Variants in DLG2 observed in about 807,000 individuals in gnomAD.
The protein encoded by DLG2 is disks large homolog 2.
Under a neutral mutation model 132.5 loss-of-function variants are expected in DLG2, and 45 were observed. The observed-to-expected ratio is 0.34, with a 90% CI of 0.27 to 0.44. The LOEUF is 0.44. DLG2 is among the 20% of genes least tolerant of loss of function. The pLI is 1.00. For missense variants in DLG2, 1,045 were observed against 1,196.9 expected, an observed-to-expected ratio of 0.87 and a Z score of 1.87; for synonymous variants, 424 against 419.6, an observed-to-expected ratio of 1.01 and a Z score of -0.13.
chr11:85,549,416 T>C (rs1369086108), intron 3 of DLG2, among the ~76,000 whole-genome samples: 1 of 152,228 alleles, frequency 6.6e-6, no homozygotes, highest in Non-Finnish European at 1.5e-5. Flanking sequence ...ACCGGAGCTG[T>C]TCCTATTCGG....
chr11:84,040,222 T>G (rs1201067779), intron 11 of DLG2, among the ~76,000 whole-genome samples: 1 of 151,572 alleles, frequency 6.6e-6, no homozygotes, highest in African/African-American at 2.4e-5. Flanking sequence ...CTCTTTAGTT[T>G]AATTAGATTC....
chr11:83,696,600 T>A (rs1001694485), intron 18 of DLG2, among the ~76,000 whole-genome samples: 2 of 152,168 alleles, frequency 1.3e-5, no homozygotes, highest in Non-Finnish European at 2.9e-5. Flanking sequence ...GATGATACAT[T>A]AAGTACAAAA....
At chr11:85,119,256 T>G (rs891085655) in intron 5 of DLG2, among the ~76,000 whole-genome samples, 6 of 151,992 alleles carry the variant, frequency 3.9e-5, no homozygotes, top group African/African-American at 1.4e-4. Flanking sequence ...GATTCTGCAG[T>G]CTGGGATTAT....
intron 6 of DLG2, among the ~76,000 whole-genome samples, chr11:84,945,524 C>T (rs2050086462): frequency 1.3e-5 from 2 of 152,216 alleles, no homozygotes; most frequent in South Asian, 4.1e-4. Context: ...GCCAGCATGG[C>T]ACTGGGTCTC....
intron 8 of DLG2, among the ~76,000 whole-genome samples, chr11:84,234,444 G>T (rs1166391489): frequency 6.6e-6 from 1 of 152,202 alleles, no homozygotes; most frequent in Admixed American, 6.5e-5. Context: ...GCTAACGAAA[G>T]TGCGTTGGTT....
intron 9 of DLG2, among the ~76,000 whole-genome samples, chr11:84,130,250 C>T (rs75141505): frequency 0.015 from 2,350 of 151,864 alleles, 24 homozygotes; most frequent in Middle Eastern, 0.048. Context: ...CAACCTATGA[C>T]GTTCTTAAAA....
At chr11:84,214,198 T>TATATATACATATATATATGAATAC (rs2096797820) in intron 8 of DLG2, among the ~76,000 whole-genome samples, 1 of 146,018 alleles carries the variant, frequency 6.8e-6, no homozygotes, top group Non-Finnish European at 1.5e-5. Context: ...GGTCTTCATA[T>TATATATACATATATATATGAATAC]ATATATACAT....
intron 6 of DLG2, chr11:84,887,324 C>T (rs1566272249): frequency 1.3e-5 from 2 of 150,958 alleles, no homozygotes; most frequent in Non-Finnish European, 2.9e-5. Flanking sequence ...ACTCTTAATT[C>T]AAACCTACCA....
chr11:83,553,889 CT>C lies in DLG2; in HGVS notation c.1941-12032del, dbSNP rs57434000. ...TTTTATTCCAATAGCACAATCTTTTCTTTTTTTTTCTTTTTTTTTTTTTTGT... is the reference window on the plus strand; with the variant it reads ...TTTTATTCCAATAGCACAATCTTTTCTTTTTTTTCTTTTTTTTTTTTTTGT... On this transcript the variant is annotated intron_variant, in intron 19 of 27. Coordinates refer to ENST00000376104, the MANE Select transcript of DLG2 (RefSeq NM_001142699.3). Among the ~76,000 whole-genome samples, 4 of 142,898 alleles carry C rather than the reference CT, an allele frequency of 2.8e-5. No individual in the cohort carries two copies. In the East Asian group the frequency reaches 6.1e-4, roughly 22 times the overall value. 93.7% of individuals were successfully genotyped at this position (142,898 alleles called of 152,430 possible). A position where few individuals can be genotyped will look rare whatever the true frequency, so the allele number is the denominator to read the frequency against.
At chr11:83,656,355 A>G (rs1337165456) in intron 18 of DLG2, among the ~76,000 whole-genome samples, 1 of 152,208 alleles carries the variant, frequency 6.6e-6, no homozygotes, top group East Asian at 1.9e-4. Flanking sequence ...CTTTCCACCC[A>G]TCATTTCCTC....
intron 3 of DLG2, among the ~76,000 whole-genome samples, chr11:85,493,254 G>C (rs142575499): frequency 8.5e-5 from 13 of 152,252 alleles, no homozygotes; most frequent in African/African-American, 2.9e-4. Context: ...TTTCAAATAA[G>C]TAGAAGCTGA....
At chr11:84,424,328 A>G (rs2098959859) in intron 7 of DLG2, among the ~76,000 whole-genome samples, 2 of 152,154 alleles carry the variant, frequency 1.3e-5, no homozygotes, top group African/African-American at 2.4e-5. Flanking sequence ...TAGTCCTACT[A>G]CAGGTCAAAA....
chr11:83,482,144 C>G (rs2093169089), intron 22 of DLG2, among the ~76,000 whole-genome samples: 1 of 151,968 alleles, frequency 6.6e-6, no homozygotes. Context: ...AAGATCAGTA[C>G]TCTTGATCAG....
chr11:83,474,435 T>C (rs558567720), intron 22 of DLG2, among the ~76,000 whole-genome samples: 37 of 152,150 alleles, frequency 2.4e-4, no homozygotes, highest in Non-Finnish European at 4.0e-4. Flanking sequence ...GGAGAAAGTA[T>C]AGTTTTAATG....
At chr11:84,008,820 T>C (rs2094714280) in intron 11 of DLG2, among the ~76,000 whole-genome samples, 1 of 151,754 alleles carries the variant, frequency 6.6e-6, no homozygotes, top group Non-Finnish European at 1.5e-5. Flanking sequence ...TAGGGGACCA[T>C]TCAAATAAGA....
intron 11 of DLG2, among the ~76,000 whole-genome samples, chr11:83,991,342 T>C (rs920890918): frequency 6.6e-6 from 1 of 152,284 alleles, no homozygotes; most frequent in East Asian, 1.9e-4. Flanking sequence ...CAAAACTTTT[T>C]CTTCTATTAC....
intron 18 of DLG2, among the ~76,000 whole-genome samples, chr11:83,782,623 A>G (rs979097592): frequency 3.9e-5 from 6 of 152,334 alleles, no homozygotes; most frequent in Admixed American, 2.0e-4. Flanking sequence ...AATTCTGGGT[A>G]GAGGATTCCA....
intron 7 of DLG2, among the ~76,000 whole-genome samples, chr11:84,330,149 A>G (rs971157183): frequency 6.6e-6 from 1 of 152,126 alleles, no homozygotes; most frequent in Admixed American, 6.5e-5. Context: ...CCCTCTCCCT[A>G]TTTCCATTGT....
intron 21 of DLG2, among the ~76,000 whole-genome samples, chr11:83,516,217 G>A (rs554708040): frequency 6.6e-6 from 1 of 152,252 alleles, no homozygotes; most frequent in African/African-American, 2.4e-5. Flanking sequence ...TCCTGTATTG[G>A]GTGCATATAT....
Sources: gnomAD v4.1 joint callset for allele counts (sites outside exome capture counted in the v4.1 genomes callset) on GRCh38, gnomAD v4.1.1 for gene constraint, MANE v1.5 for transcripts, NCBI Gene and HGNC (gene_info 2026-07-23, HGNC 2026-07-21) for gene names.